TMEM238L: variants seen among roughly 807,000 people sequenced by gnomAD.
TMEM238L encodes the protein transmembrane protein 238 like, also known as transmembrane protein 238-like.
chr17:10,800,585 C>T (rs143280355), intron 1 of TMEM238L, among the ~76,000 whole-genome samples: 1,574 of 152,304 alleles, frequency 0.01, 36 homozygotes, highest in African/African-American at 0.036. Context: ...TGGCTACCTG[C>T]ATCGTGACTG....
At chr17:10,798,028 C>A (rs1476461684) in intron 1 of TMEM238L, 1 of 152,106 alleles carries the variant, frequency 6.6e-6, no homozygotes, top group Non-Finnish European at 1.5e-5. Flanking sequence ...AACCCCCAGG[C>A]AAATGTGCCT....
intron 1 of TMEM238L, among the ~76,000 whole-genome samples, chr17:10,796,168 A>G (rs1473163013): frequency 1.3e-5 from 2 of 152,230 alleles, no homozygotes; most frequent in Non-Finnish European, 2.9e-5. Context: ...TCCCGCACTC[A>G]CAGAGTTGTA....
chr17:10,797,331 T>G (rs1392574157), intron 1 of TMEM238L, among the ~76,000 whole-genome samples: 1 of 151,926 alleles, frequency 6.6e-6, no homozygotes, highest in African/African-American at 2.4e-5. Flanking sequence ...ATCTTAGTGT[T>G]CTTTTCTCCT....
chr17:10,799,237 G>T (rs1005584342), intron 1 of TMEM238L, among the ~76,000 whole-genome samples: 1 of 152,124 alleles, frequency 6.6e-6, no homozygotes, highest in Non-Finnish European at 1.5e-5. Context: ...TTGCTCTGCC[G>T]CCCAGGCTGG....
rs550970342 is a variant in TMEM238L at position 10,803,070 on chromosome 17, C to T, written c.*118+536G>A. Reference sequence around the variant, plus strand: ...ATGGAGGCGAGTAGTCCCTACCCCGCTTCTTGTATCCCATCTGGGCAGGTG... The same window carrying T: ...ATGGAGGCGAGTAGTCCCTACCCCGTTTCTTGTATCCCATCTGGGCAGGTG... On this transcript the variant is annotated intron_variant, in intron 1 of 1. Transcript: ENST00000581851. 2.6e-5 allele frequency among the ~76,000 whole-genome samples: 4 copies of T among 152,058 alleles called. No homozygotes were observed. In the South Asian group the frequency reaches 8.4e-4, roughly 32 times the overall value.
At chr17:10,797,919 C>G (rs1189274621) in intron 1 of TMEM238L, 1 of 152,168 alleles carries the variant, frequency 6.6e-6, no homozygotes, top group Non-Finnish European at 1.5e-5. Flanking sequence ...TCATGTTGCT[C>G]TCTAGTATCT....
exon 1 of TMEM238L, chr17:10,803,871 G>A: frequency 2.5e-6 from 1 of 399,876 alleles, no homozygotes; most frequent in African/African-American, 2.1e-5. Flanking sequence ...GCAGCAAAAG[G>A]ACCAGGCCGA....
At chr17:10,803,609 G>A in exon 1 of TMEM238L, 1 of 397,334 alleles carries the variant, frequency 2.5e-6, no homozygotes, top group Non-Finnish European at 4.4e-6. Context: ...CACTCACCTG[G>A]TCCCGGCGTG....
At chr17:10,800,477 A>G (rs940816182) in intron 1 of TMEM238L, among the ~76,000 whole-genome samples, 1 of 152,244 alleles carries the variant, frequency 6.6e-6, no homozygotes, top group Non-Finnish European at 1.5e-5. Context: ...AGCATTCTGG[A>G]GCAGCATTCA....
exon 2 of TMEM238L, chr17:10,795,459 A>G (rs1252276160): frequency 6.6e-6 from 1 of 152,264 alleles, no homozygotes; most frequent in Non-Finnish European, 1.5e-5. Flanking sequence ...CCAACTGGTC[A>G]GTGTCAAAGG....
chr17:10,798,719 T>G (rs543572639), intron 1 of TMEM238L, among the ~76,000 whole-genome samples: 3 of 151,738 alleles, frequency 2.0e-5, no homozygotes, highest in Non-Finnish European at 2.9e-5. Flanking sequence ...TGTGAGTGTG[T>G]GGGGGGCGTG....
chr17:10,796,270 C>T (rs946521280), intron 1 of TMEM238L, among the ~76,000 whole-genome samples: 8 of 152,226 alleles, frequency 5.3e-5, no homozygotes, highest in African/African-American at 1.9e-4. Flanking sequence ...CCCTTCCTTG[C>T]AGGCAAAGCC....
intron 1 of TMEM238L, among the ~76,000 whole-genome samples, chr17:10,800,595 G>C (rs1904707927): frequency 6.6e-6 from 1 of 152,162 alleles, no homozygotes; most frequent in Admixed American, 6.5e-5. Context: ...CATCGTGACT[G>C]ACGCTTTATT....
exon 1 of TMEM238L, chr17:10,803,865 C>T (rs1341867191): frequency 5.0e-6 from 2 of 399,950 alleles, no homozygotes; most frequent in African/African-American, 4.1e-5. Flanking sequence ...TCCCCAGCAG[C>T]AAAAGGACCA....
chr17:10,798,927 A>T (rs1904643522), intron 1 of TMEM238L, among the ~76,000 whole-genome samples: 1 of 152,146 alleles, frequency 6.6e-6, no homozygotes, highest in Admixed American at 6.5e-5. Context: ...GCAAAAAAAA[A>T]AATCTGAAAA....
At chr17:10,800,528 A>G (rs1432744351) in intron 1 of TMEM238L, among the ~76,000 whole-genome samples, 1 of 152,366 alleles carries the variant, frequency 6.6e-6, no homozygotes, top group East Asian at 1.9e-4. Context: ...GTACATTGCC[A>G]TTAGAACTGA....
intron 1 of TMEM238L, among the ~76,000 whole-genome samples, chr17:10,797,123 A>G (rs73974866): frequency 0.059 from 8,965 of 152,228 alleles, 709 homozygotes; most frequent in African/African-American, 0.18. Flanking sequence ...AGGGTCAGAT[A>G]TACCTGGTTT....
chr17:10,801,260 G>A (rs920397389), intron 1 of TMEM238L, among the ~76,000 whole-genome samples: 2 of 152,010 alleles, frequency 1.3e-5, no homozygotes, highest in African/African-American at 4.8e-5. Flanking sequence ...CTGTGGTCTC[G>A]ATCTCCTGAC....
In TMEM238L at chr17:10,800,133, C is replaced by T. The variant is rs1168280423; in HGVS notation, c.*118+3473G>A. 7.2e-5 allele frequency among the ~76,000 whole-genome samples: 11 copies of T among 152,224 alleles called. No homozygotes were observed. The East Asian group carries it at 1.5e-3, about 21-fold the overall frequency. ...ATTTTTAGTAGAGACAGGGTTTCAC[C>T]GTGTTAGCCAGGATGGTTTCGATCT... On this transcript the variant is annotated intron_variant, in intron 1 of 1. Transcript: ENST00000581851.
Sources: allele counts gnomAD v4.1 joint callset (sites outside exome capture counted in the v4.1 genomes callset), GRCh38; gene constraint gnomAD v4.1.1; transcripts MANE v1.5; gene names NCBI Gene and HGNC (gene_info 2026-07-23, HGNC 2026-07-21).